GAREM1: variants seen among roughly 807,000 people sequenced by gnomAD.
GAREM1 encodes the protein GRB2-associated and regulator of MAPK protein 1.
GAREM1 carries 26 observed loss-of-function variants against 71.3 expected under a neutral mutation model. That is an observed-to-expected ratio of 0.36 (90% CI 0.27 to 0.51). GAREM1 has a LOEUF of 0.51. GAREM1 is among the 20% of genes least tolerant of loss of function. The pLI is 0.95. For missense variants in GAREM1, 1,026 were observed against 1,103.1 expected, an observed-to-expected ratio of 0.93 and a Z score of 0.99; for synonymous variants, 440 against 433.2, an observed-to-expected ratio of 1.02 and a Z score of -0.20.
intron 1 of GAREM1, among the ~76,000 whole-genome samples, chr18:32,422,769 G>A (rs1193242625): frequency 1.3e-5 from 2 of 152,182 alleles, no homozygotes; most frequent in African/African-American, 4.8e-5. Context: ...TATGAGGTTG[G>A]AGTTTTTTAA....
chr18:32,431,792 G>GA (rs2048627741), intron 1 of GAREM1, among the ~76,000 whole-genome samples: 1 of 151,894 alleles, frequency 6.6e-6, no homozygotes. Flanking sequence ...CGAGACAAAG[G>GA]AAAAAATCCT....
intron 3 of GAREM1, among the ~76,000 whole-genome samples, chr18:32,293,177 G>A (rs565579723): frequency 6.6e-5 from 10 of 151,554 alleles, no homozygotes; most frequent in African/African-American, 2.2e-4. Flanking sequence ...ACACACACAC[G>A]TATATCTTAG....
intron 4 of GAREM1, among the ~76,000 whole-genome samples, chr18:32,273,991 T>C (rs757131185): frequency 2.6e-5 from 4 of 152,144 alleles, no homozygotes; most frequent in Non-Finnish European, 4.4e-5. Context: ...TGAGTGTCAT[T>C]CTGTTGAGGC....
chr18:32,374,925 G>A (rs920217503), intron 2 of GAREM1, among the ~76,000 whole-genome samples: 1 of 152,072 alleles, frequency 6.6e-6, no homozygotes, highest in Admixed American at 6.6e-5. Context: ...ATCAAATTTA[G>A]AAGAAAAGGC....
chr18:32,368,768 C>G (rs573301357), intron 2 of GAREM1, among the ~76,000 whole-genome samples: 1 of 152,174 alleles, frequency 6.6e-6, no homozygotes, highest in Non-Finnish European at 1.5e-5. Context: ...CTCTCACACA[C>G]GCAACATGAA....
intron 2 of GAREM1, among the ~76,000 whole-genome samples, chr18:32,324,720 T>C (rs1355342226): frequency 6.6e-6 from 1 of 152,242 alleles, no homozygotes; most frequent in Non-Finnish European, 1.5e-5. Flanking sequence ...GCATTGCATT[T>C]TGTCAAGGTT....
At chr18:32,317,441 C>T (rs1410827578) in intron 2 of GAREM1, among the ~76,000 whole-genome samples, 2 of 150,852 alleles carry the variant, frequency 1.3e-5, no homozygotes, top group Non-Finnish European at 2.9e-5. Context: ...AGTGACTCGT[C>T]CTTTTATTGC....
At chr18:32,284,926 T>G (rs2046996950) in intron 4 of GAREM1, among the ~76,000 whole-genome samples, 1 of 151,984 alleles carries the variant, frequency 6.6e-6, no homozygotes, top group South Asian at 2.1e-4. Context: ...ATTTGTTGTA[T>G]TTTTAGTAGA....
chr18:32,463,298 A>T (rs1859133593), intron 1 of GAREM1, among the ~76,000 whole-genome samples: 1 of 151,674 alleles, frequency 6.6e-6, no homozygotes, highest in South Asian at 2.1e-4. Context: ...TTTCCTTTCT[A>T]AATGGATATT....
intron 2 of GAREM1, among the ~76,000 whole-genome samples, chr18:32,313,776 T>C (rs1033341867): frequency 6.6e-6 from 1 of 152,302 alleles, no homozygotes; most frequent in East Asian, 1.9e-4. Context: ...AAGAGACCAC[T>C]TATACTCCTC....
intron 3 of GAREM1, among the ~76,000 whole-genome samples, chr18:32,304,104 C>T (rs1369405792): frequency 6.6e-6 from 1 of 151,656 alleles, no homozygotes; most frequent in African/African-American, 2.4e-5. Context: ...GTCAGGAGTT[C>T]GAGACCAGCC....
intron 1 of GAREM1, among the ~76,000 whole-genome samples, chr18:32,462,722 C>T (rs560298553): frequency 1.3e-5 from 2 of 152,288 alleles, no homozygotes; most frequent in South Asian, 4.2e-4. Flanking sequence ...ATGTTTTCTT[C>T]CATGAGTAGT....
intron 3 of GAREM1, among the ~76,000 whole-genome samples, chr18:32,291,317 CAA>C (rs548179742): frequency 1.3e-4 from 10 of 76,988 alleles, no homozygotes; most frequent in Non-Finnish European, 1.7e-4. Context: ...TTTTTGTTAC[CAA>C]AAAAAAAAAA....
intron 2 of GAREM1, among the ~76,000 whole-genome samples, chr18:32,369,270 G>A (rs2047954503): frequency 2.0e-5 from 3 of 152,164 alleles, no homozygotes; most frequent in Admixed American, 2.0e-4. Flanking sequence ...ACTTCATGTC[G>A]GCATATGTCA....
chr18:32,397,774 T>C (rs2144666238), intron 1 of GAREM1, among the ~76,000 whole-genome samples: 1 of 152,088 alleles, frequency 6.6e-6, no homozygotes, highest in South Asian at 2.1e-4. Flanking sequence ...TATCCAGGAA[T>C]TGAACTCAGG....
At chr18:32,420,605 A>T (rs1036181058) in intron 1 of GAREM1, among the ~76,000 whole-genome samples, 1 of 152,134 alleles carries the variant, frequency 6.6e-6, no homozygotes, top group Non-Finnish European at 1.5e-5. Context: ...AAACGTTTCC[A>T]TTTAATTTGC....
intron 1 of GAREM1, among the ~76,000 whole-genome samples, chr18:32,448,788 T>A (rs1274023595): frequency 1.3e-5 from 2 of 152,206 alleles, no homozygotes; most frequent in African/African-American, 4.8e-5. Context: ...ACCCCAAGTC[T>A]TTCTTGTTGG....
At chr18:32,303,010 G>A (rs948099273) in intron 3 of GAREM1, among the ~76,000 whole-genome samples, 1 of 152,226 alleles carries the variant, frequency 6.6e-6, no homozygotes, top group African/African-American at 2.4e-5. Context: ...CACGCACGCA[G>A]TAGGGAAGTG....
chr18:32,421,532 G>T (rs1224140865), intron 1 of GAREM1, among the ~76,000 whole-genome samples: 1 of 152,102 alleles, frequency 6.6e-6, no homozygotes, highest in Non-Finnish European at 1.5e-5. Flanking sequence ...TAAGAAAAAA[G>T]TCCAAACGCC....
Sources: gnomAD v4.1 joint callset for allele counts (sites outside exome capture counted in the v4.1 genomes callset) on GRCh38, gnomAD v4.1.1 for gene constraint, MANE v1.5 for transcripts, NCBI Gene and HGNC (gene_info 2026-07-23, HGNC 2026-07-21) for gene names.